TMEM132E: variants seen among roughly 807,000 people sequenced by gnomAD.
TMEM132E encodes the protein transmembrane protein 132E.
Under a neutral mutation model 78.5 loss-of-function variants are expected in TMEM132E, and 49 were observed. The ratio of observed to expected loss-of-function variants is 0.62; its 90% CI spans 0.50 to 0.79. TMEM132E has a LOEUF of 0.79. Among genes scored for constraint, TMEM132E ranks in the 30% least tolerant of loss-of-function variants. The pLI, the probability that TMEM132E is intolerant of heterozygous loss-of-function variation, is 0.00. For missense variants in TMEM132E, 1,403 were observed against 1,470.9 expected (o/e 0.95, Z 0.75); for synonymous variants, 715 against 670.6 (o/e 1.07, Z -1.02).
chr17:34,599,985 G>A (rs982107544), intron 1 of TMEM132E, among the ~76,000 whole-genome samples: 1 of 152,234 alleles, frequency 6.6e-6, no homozygotes, highest in African/African-American at 2.4e-5. Context: ...GTGGGGAGGG[G>A]GGCTTGGAGG....
rs1264764587 is a variant in TMEM132E, at chr17:34,581,136, C to T, written c.60C>T (p.Leu20=). Residue 20 remains leucine, a synonymous_variant, in exon 1 of 9, where the codon CTC becomes CTT. Transcript: ENST00000631683. ...GAALLCLSAL[L]AHASGRSHPA... ...CCCTGCTCTGCCTCTCAGCGCTACT[C>T]GCCCACGGTAAGTGTCGCGGCGCGG... 12 of 1,519,960 alleles carry T rather than the reference C, an allele frequency of 7.9e-6. No homozygotes were observed. Among genetic ancestry groups the T allele is most frequent in the Non-Finnish European group, 9.7e-6 (11 of 1,138,878 alleles). The allele number at this position is 1,519,960 out of a possible 1,614,324, so 94.2% of individuals were successfully genotyped here. A position where few individuals can be genotyped will look rare whatever the true frequency, so the allele number is the denominator to read the frequency against.
At chr17:34,596,142 G>C (rs927275166) in intron 1 of TMEM132E, among the ~76,000 whole-genome samples, 1 of 152,104 alleles carries the variant, frequency 6.6e-6, no homozygotes. Context: ...TTAGAAGAGA[G>C]ATTTCCCCTG....
chr17:34,629,736 A>T (rs1907286986), intron 4 of TMEM132E, among the ~76,000 whole-genome samples: 1 of 152,106 alleles, frequency 6.6e-6, no homozygotes, highest in South Asian at 2.1e-4. Context: ...GCTGTTTAAG[A>T]GGAGATGGCA....
Position 34,637,591 on chromosome 17 carries a change from C to T in TMEM132E, c.2584C>T (p.Pro862Ser). 2 of 1,601,090 alleles carry T rather than the reference C, an allele frequency of 1.2e-6. No individual in the cohort carries two copies. Among genetic ancestry groups the T allele is most frequent in the Non-Finnish European group, 1.7e-6 (2 of 1,176,910 alleles). The change falls in exon 9 of 9, where the codon CCC becomes TCC. Residue 862 changes from proline (P) to serine (S), a missense_variant. Pro to Ser is a moderately conservative substitution (Grantham distance 74, BLOSUM62 -1). Coordinates refer to ENST00000631683, the MANE Select transcript of TMEM132E (RefSeq NM_001304438.2). ...PEAPGPGTAS[P>S]VVPPTEDFLP... is the part of the protein sequence containing the mutation. Reference sequence around the variant, plus strand: ...GGCTCCAGGCCCGGGCACCGCCAGCCCCGTCGTGCCACCCACAGAAGACTT... The same window carrying T: ...GGCTCCAGGCCCGGGCACCGCCAGCTCCGTCGTGCCACCCACAGAAGACTT...
chr17:34,626,887 G>T lies in TMEM132E; in HGVS notation c.828G>T (p.Leu276=). The change falls in exon 2 of 9, where the codon CTG becomes CTT. Residue 276 remains leucine, a synonymous_variant. Coordinates refer to ENST00000631683, the MANE Select transcript of TMEM132E (RefSeq NM_001304438.2). Reference sequence around the variant, plus strand: ...TGCTGCGCATCGGGAGCATCAGCCTGTTCCGCCCGCCCCCCAGGAGGACCC... The same window carrying T: ...TGCTGCGCATCGGGAGCATCAGCCTTTTCCGCCCGCCCCCCAGGAGGACCC... ...HPLLRIGSIS[L]FRPPPRRTLQ... The T allele has an allele frequency of 6.2e-7, 1 of 1,612,186 alleles. No individual in the cohort carries two copies. The highest frequency in any genetic ancestry group is 8.5e-7 in the Non-Finnish European group (1 of 1,179,894).
chr17:34,629,514 C>T (rs1907275929), intron 4 of TMEM132E, among the ~76,000 whole-genome samples: 1 of 152,134 alleles, frequency 6.6e-6, no homozygotes, highest in Non-Finnish European at 1.5e-5. Context: ...GGGAGGGAGC[C>T]TCCCAGAGAT....
Position 34,637,670 on chromosome 17 carries a change from A to G in TMEM132E, c.2663A>G (p.Glu888Gly). The stretch of plus-strand genomic sequence containing the variant: ...GTGCCACGGGGTCTGACAGACCTGG[A>G]GATCGGCATGTACGCGCTGCTGGGC... ...LQVPRGLTDL[E>G]IGMYALLGVF... Residue 888 changes from glutamate to glycine, a missense_variant, in exon 9 of 9, where the codon GAG becomes GGG. Glu to Gly is a moderately conservative substitution (Grantham distance 98). Transcript: ENST00000631683. 1 of 1,610,066 alleles carries G rather than the reference A, an allele frequency of 6.2e-7. No individual in the cohort carries two copies. Among genetic ancestry groups the G allele is most frequent in the Non-Finnish European group, 8.5e-7 (1 of 1,179,920 alleles).
At chr17:34,615,646 C>G (rs971401605) in intron 1 of TMEM132E, among the ~76,000 whole-genome samples, 1 of 151,864 alleles carries the variant, frequency 6.6e-6, no homozygotes, top group African/African-American at 2.4e-5. Context: ...GTGTAAGACT[C>G]TGTGCTAGGT....
rs188196465 is a variant in TMEM132E at position 34,639,218 on chromosome 17, T to G, written c.*986T>G. On this transcript the variant is annotated 3_prime_UTR_variant, in exon 9 of 9. Coordinates refer to ENST00000631683, the MANE Select transcript of TMEM132E (RefSeq NM_001304438.2). ...CGCCCCTACCCCATCCCACAGCCAT[T>G]TTTCTCTCGGGTTCTACCCACCACT... 1.5e-4 allele frequency: 23 copies of G among 152,580 alleles called. No individual in the cohort carries two copies. The highest frequency in any genetic ancestry group is 7.2e-4 in the Admixed American group (11 of 15,296). The allele number at this position is 152,580 out of a possible 1,614,324, so 9.5% of individuals were successfully genotyped here. A position where few individuals can be genotyped will look rare whatever the true frequency, so the allele number is the denominator to read the frequency against.
chr17:34,594,447 C>T (rs1312939056), intron 1 of TMEM132E, among the ~76,000 whole-genome samples: 6 of 152,186 alleles, frequency 3.9e-5, no homozygotes, highest in Non-Finnish European at 5.9e-5. Flanking sequence ...TCTGTGGCTC[C>T]GTTTCCACGT....
Position 34,581,051 on chromosome 17 carries a change from G to T in TMEM132E, c.-26G>T, listed in dbSNP as rs759963856. ...AGTCGTCGTCGACTGTTGCTCTCTC[G>T]GACCCCTCCCGCCCCCGCCTCGGCC... On this transcript the variant is annotated 5_prime_UTR_variant, in exon 1 of 9. Transcript: ENST00000631683. 1.6e-5 allele frequency: 24 copies of T among 1,534,818 alleles called. No individual in the cohort carries two copies. Among genetic ancestry groups the T allele is most frequent in the Non-Finnish European group, 2.1e-5 (24 of 1,146,528 alleles).
In TMEM132E at chr17:34,637,938, C is replaced by G; in HGVS notation, c.2931C>G (p.Thr977=). Residue 977 remains threonine (T), a synonymous_variant, in exon 9 of 9, where the codon ACC becomes ACG. Transcript: ENST00000631683. ...GDHHSSGSSQ[T]SVQSQVHGRG... is the part of the protein sequence containing the mutation. ...ACCACAGCAGCGGCAGCTCGCAGAC[C>G]AGCGTCCAGAGCCAGGTGCACGGCA... The G allele has an allele frequency of 6.2e-7, 1 of 1,606,554 alleles. No homozygotes were observed. Among genetic ancestry groups the G allele is most frequent in the Non-Finnish European group, 8.5e-7 (1 of 1,178,182 alleles).
chr17:34,626,243 C>A lies in TMEM132E; in HGVS notation c.184C>A (p.Arg62=). 6.3e-7 allele frequency: 1 copy of A among 1,596,550 alleles called. No individual in the cohort carries two copies. The highest frequency in any genetic ancestry group is 8.5e-7 in the Non-Finnish European group (1 of 1,172,228). Residue 62 remains arginine (R), a synonymous_variant, in exon 2 of 9, where the codon CGG becomes AGG. Coordinates refer to ENST00000631683, the MANE Select transcript of TMEM132E (RefSeq NM_001304438.2). ...GCTGGCCTTCTTCCTGCGGGAGGCG[C>A]GGCCCCCGTCACCCGCGGTCGCCAA... is the stretch of plus-strand genomic sequence containing the variant. ...TRLAFFLREA[R]PPSPAVANSS...
rs61197843 is a variant in TMEM132E at position 34,613,173 on chromosome 17, C to A, written c.68-12954C>A. On this transcript the variant is annotated intron_variant, in intron 1 of 8. Transcript: ENST00000631683. ...TCACACTCTCTCTCTCTCTCTCTCT[C>A]TACACACACACACACACACACACCC... Among the ~76,000 whole-genome samples the A allele has an allele frequency of 1.2e-3, 135 of 109,912 alleles. 1 individual carries two copies. The highest frequency in any genetic ancestry group is 2.6e-3 in the South Asian group (7 of 2,734). The allele number at this position is 109,912 out of a possible 152,430, so 72.1% of individuals were successfully genotyped here.
In TMEM132E at chr17:34,637,909, G is replaced by C. The variant is rs910357535; in HGVS notation, c.2902G>C (p.Asp968His). The change falls in exon 9 of 9, where the codon GAC becomes CAC. Residue 968 changes from aspartate to histidine, a missense_variant. Asp to His is a moderately conservative substitution (Grantham distance 81). This residue lies in a region of TMEM132E where 888 missense variants were observed against 952.8 expected (regional missense o/e 0.93). Coordinates refer to ENST00000631683, the MANE Select transcript of TMEM132E (RefSeq NM_001304438.2). ...AACCGTGCCCGCCTTCTGCCACGGCGACCACCACAGCAGCGGCAGCTCGCA... is the reference window on the plus strand; with the variant it reads ...AACCGTGCCCGCCTTCTGCCACGGCCACCACCACAGCAGCGGCAGCTCGCA... The part of the protein sequence containing the change: ...LETVPAFCHG[D>H]HHSSGSSQTS... The C allele has an allele frequency of 6.2e-7, 1 of 1,605,510 alleles. No individual in the cohort carries two copies. The highest frequency in any genetic ancestry group is 1.3e-5 in the African/African-American group (1 of 74,850).
chr17:34,628,924 G>A, intron 3 of TMEM132E, 88 bp from the exon 4 acceptor site: 1 of 1,465,002 alleles, frequency 6.8e-7, no homozygotes, highest in Non-Finnish European at 9.2e-7. Flanking sequence ...TGCCGGGGAG[G>A]GGTGGGGTCC....
intron 1 of TMEM132E, among the ~76,000 whole-genome samples, chr17:34,596,871 A>G (rs986664228): frequency 6.6e-6 from 1 of 151,218 alleles, no homozygotes; most frequent in African/African-American, 2.4e-5. Flanking sequence ...AAAAAAAAAA[A>G]AAAAGGAAGA....
At chr17:34,613,197 CCA>C (rs56682554) in intron 1 of TMEM132E, among the ~76,000 whole-genome samples, 124 of 131,140 alleles carry the variant, frequency 9.5e-4, no homozygotes, top group African/African-American at 1.9e-3. Flanking sequence ...ACACACACAC[CCA>C]CACACACACA....
At chr17:34,636,763 G>A (rs1373107278) in intron 8 of TMEM132E, among the ~76,000 whole-genome samples, 1 of 152,228 alleles carries the variant, frequency 6.6e-6, no homozygotes, top group Non-Finnish European at 1.5e-5. Flanking sequence ...GGCAGAAGTG[G>A]GGAGGGGGTG....
Sources: allele counts gnomAD v4.1 joint callset (sites outside exome capture counted in the v4.1 genomes callset), GRCh38; gene constraint gnomAD v4.1.1; regional missense constraint gnomAD v4.1.1; transcripts MANE v1.5; gene names NCBI Gene and HGNC (gene_info 2026-07-23, HGNC 2026-07-21).